DLG2: variants seen among roughly 807,000 people sequenced by gnomAD.
The protein encoded by DLG2 is disks large homolog 2.
Under a neutral mutation model 132.5 loss-of-function variants are expected in DLG2, and 45 were observed. The observed-to-expected ratio is 0.34, with a 90% confidence interval of 0.27 to 0.44. DLG2 has a LOEUF of 0.44. Ranked by LOEUF, DLG2 falls within the 20% of genes least tolerant of loss-of-function variation. DLG2 has a pLI of 1.00. For missense variants in DLG2, 1,045 were observed against 1,196.9 expected, an observed-to-expected ratio of 0.87 and a Z score of 1.87; for synonymous variants, 424 against 419.6, an observed-to-expected ratio of 1.01 and a Z score of -0.13.
At chr11:85,341,417 G>A (rs1341759529) in intron 3 of DLG2, among the ~76,000 whole-genome samples, 1 of 152,206 alleles carries the variant, frequency 6.6e-6, no homozygotes, top group Non-Finnish European at 1.5e-5. Context: ...ACCGTGCCTA[G>A]CTGAAGTATG....
chr11:85,482,019 C>A (rs1407220947), intron 3 of DLG2, among the ~76,000 whole-genome samples: 5 of 152,090 alleles, frequency 3.3e-5, no homozygotes, highest in African/African-American at 9.7e-5. Flanking sequence ...AGGCCCCAAG[C>A]TCCAGATCAG....
intron 7 of DLG2, among the ~76,000 whole-genome samples, chr11:84,399,756 G>A (rs187259438): frequency 6.6e-6 from 1 of 152,274 alleles, no homozygotes; most frequent in Non-Finnish European, 1.5e-5. Flanking sequence ...TTTGCTCCAT[G>A]AACATAAGAC....
chr11:84,998,908 G>A (rs926588482), intron 6 of DLG2, among the ~76,000 whole-genome samples: 4 of 151,958 alleles, frequency 2.6e-5, no homozygotes, highest in Non-Finnish European at 5.9e-5. Flanking sequence ...TACTTACAGT[G>A]AGGATTCTCT....
chr11:85,174,066 A>G (rs1387115866), intron 4 of DLG2, among the ~76,000 whole-genome samples: 1 of 152,212 alleles, frequency 6.6e-6, no homozygotes, highest in African/African-American at 2.4e-5. Flanking sequence ...GATCACCAAG[A>G]CAGAAAATTA....
intron 4 of DLG2, among the ~76,000 whole-genome samples, chr11:85,225,327 T>C (rs1255566921): frequency 1.3e-5 from 2 of 152,138 alleles, no homozygotes; most frequent in African/African-American, 2.4e-5. Flanking sequence ...ATGAAGATCC[T>C]GTCCCAGCCC....
At chr11:85,532,739 C>G (rs1268683129) in intron 3 of DLG2, among the ~76,000 whole-genome samples, 1 of 152,162 alleles carries the variant, frequency 6.6e-6, no homozygotes, top group Non-Finnish European at 1.5e-5. Context: ...TAAGAATTCT[C>G]TTATATACTA....
chr11:84,561,719 TA>T (rs1464283764), intron 6 of DLG2, among the ~76,000 whole-genome samples: 1 of 151,946 alleles, frequency 6.6e-6, no homozygotes, highest in East Asian at 1.9e-4. Context: ...AATGGGAAAA[TA>T]AGGATAGCAT....
intron 6 of DLG2, among the ~76,000 whole-genome samples, chr11:84,922,360 G>A (rs1245159105): frequency 6.6e-6 from 1 of 152,110 alleles, no homozygotes; most frequent in Non-Finnish European, 1.5e-5. Context: ...GGCCGGCTCA[G>A]TGCTGAATGA....
At chr11:85,155,212 AATATGACTGT>A (rs2077512592) in intron 4 of DLG2, among the ~76,000 whole-genome samples, 1 of 152,240 alleles carries the variant, frequency 6.6e-6, no homozygotes, top group African/African-American at 2.4e-5. Flanking sequence ...TGACCCATTG[AATATGACTGT>A]ATCATGTGAC....
At chr11:83,989,721 C>T (rs1412234201) in intron 11 of DLG2, among the ~76,000 whole-genome samples, 2 of 151,978 alleles carry the variant, frequency 1.3e-5, no homozygotes, top group Admixed American at 1.3e-4. Flanking sequence ...TTTACTGATC[C>T]AAAAATTGAA....
chr11:84,119,023 C>T (rs1455766676), intron 9 of DLG2, among the ~76,000 whole-genome samples: 1 of 152,124 alleles, frequency 6.6e-6, no homozygotes, highest in Non-Finnish European at 1.5e-5. Flanking sequence ...GATAGACCAA[C>T]CTCCAGAGTA....
intron 8 of DLG2, among the ~76,000 whole-genome samples, chr11:84,221,334 C>T (rs767337198): frequency 8.6e-5 from 13 of 151,836 alleles, no homozygotes; most frequent in East Asian, 3.9e-4. Flanking sequence ...CATGGTGGCA[C>T]GCGCCTGTAG....
intron 6 of DLG2, among the ~76,000 whole-genome samples, chr11:84,572,188 A>C (rs1178167693): frequency 6.6e-6 from 1 of 152,120 alleles, no homozygotes; most frequent in Non-Finnish European, 1.5e-5. Flanking sequence ...ATTTAGCATT[A>C]GGTACATCTA....
intron 11 of DLG2, among the ~76,000 whole-genome samples, chr11:84,040,104 T>C (rs1400547803): frequency 2.0e-5 from 3 of 151,660 alleles, no homozygotes; most frequent in Non-Finnish European, 4.4e-5. Flanking sequence ...GAGTTCATTG[T>C]AGATTCTGGA....
chr11:84,511,309 A>G (rs2099256455), intron 7 of DLG2, among the ~76,000 whole-genome samples: 1 of 152,150 alleles, frequency 6.6e-6, no homozygotes, highest in Non-Finnish European at 1.5e-5. Flanking sequence ...CTAATCAAAT[A>G]TGAATGCATG....
chr11:83,988,099 A>C (rs1172058730), intron 11 of DLG2, among the ~76,000 whole-genome samples: 1 of 152,076 alleles, frequency 6.6e-6, no homozygotes, highest in African/African-American at 2.4e-5. Context: ...TGGAACTCTG[A>C]TGATAGTTTA....
intron 11 of DLG2, among the ~76,000 whole-genome samples, chr11:83,986,973 T>C (rs1400880388): frequency 6.6e-6 from 1 of 152,188 alleles, no homozygotes; most frequent in Non-Finnish European, 1.5e-5. Flanking sequence ...CTTTGTCAGA[T>C]AAGTAGGTTG....
At chr11:84,752,110 A>C (rs1420357957) in intron 6 of DLG2, among the ~76,000 whole-genome samples, 1 of 152,198 alleles carries the variant, frequency 6.6e-6, no homozygotes, top group African/African-American at 2.4e-5. Context: ...TATGTCGTGG[A>C]GAAAACATGG....
At chr11:83,899,699 A>G (rs1006258098) in intron 15 of DLG2, among the ~76,000 whole-genome samples, 2 of 152,162 alleles carry the variant, frequency 1.3e-5, no homozygotes, top group Non-Finnish European at 2.9e-5. Context: ...CCACGTGGAA[A>G]TGTAAGTCCA....
Sources: allele counts gnomAD v4.1 joint callset (sites outside exome capture counted in the v4.1 genomes callset), GRCh38; gene constraint gnomAD v4.1.1; transcripts MANE v1.5; gene names NCBI Gene and HGNC (gene_info 2026-07-23, HGNC 2026-07-21).